MYL12B: variants seen among roughly 807,000 people sequenced by gnomAD.
MYL12B encodes the protein myosin regulatory light chain 12B.
A neutral mutation model predicts 12.9 loss-of-function variants in MYL12B; 3 were observed. The ratio of observed to expected loss-of-function variants is 0.23; its 90% CI spans 0.11 to 0.60. The LOEUF is 0.60. MYL12B is among the 20% of genes least tolerant of loss of function. The pLI is 0.89. For synonymous variants in MYL12B, 57 were observed against 71.9 expected (o/e 0.79, Z 1.05); for missense variants, 120 against 215.4 (o/e 0.56, Z 2.77).
At chr18:3,276,136 T>C (rs1598810450) in intron 2 of MYL12B, among the ~76,000 whole-genome samples, 1 of 151,828 alleles carries the variant, frequency 6.6e-6, no homozygotes, top group South Asian at 2.1e-4. Flanking sequence ...TGTTGGAAGA[T>C]ACCTTTGAGA....
chr18:3,265,375 C>T (rs1366898963), intron 1 of MYL12B, among the ~76,000 whole-genome samples: 2 of 152,156 alleles, frequency 1.3e-5, no homozygotes. Flanking sequence ...ACAGTAATAA[C>T]CATAAGAATC....
chr18:3,265,722 A>T (rs1484240548), intron 1 of MYL12B, among the ~76,000 whole-genome samples: 1 of 152,182 alleles, frequency 6.6e-6, no homozygotes, highest in East Asian at 1.9e-4. Context: ...AGGAAAAAGG[A>T]CAGAGCTTTG....
chr18:3,267,275 A>G (rs2081641751), intron 1 of MYL12B, among the ~76,000 whole-genome samples: 2 of 152,374 alleles, frequency 1.3e-5, no homozygotes, highest in South Asian at 2.1e-4. Flanking sequence ...GCTCTAGCTG[A>G]CTTGAGATAC....
intron 3 of MYL12B, among the ~76,000 whole-genome samples, 167 bp from the exon 4 acceptor site, chr18:3,277,598 A>AT (rs2081744115): frequency 6.6e-6 from 1 of 152,238 alleles, no homozygotes; most frequent in Admixed American, 6.5e-5. Context: ...TCTAAGAATA[A>AT]TTGGAAAACA....
intron 1 of MYL12B, among the ~76,000 whole-genome samples, chr18:3,265,502 T>G (rs565043131): frequency 1.1e-4 from 17 of 152,208 alleles, no homozygotes; most frequent in Non-Finnish European, 2.4e-4. Context: ...TCATCTACTC[T>G]GAGGGCTTTA....
At chr18:3,269,750 T>C (rs1328128842) in intron 1 of MYL12B, among the ~76,000 whole-genome samples, 1 of 152,140 alleles carries the variant, frequency 6.6e-6, no homozygotes, top group Non-Finnish European at 1.5e-5. Flanking sequence ...GCTGCTAGAA[T>C]ACTGGGAAAC....
chr18:3,263,044 C>G (rs2081606902), intron 1 of MYL12B: 1 of 152,280 alleles, frequency 6.6e-6, no homozygotes, highest in Non-Finnish European at 1.5e-5. Context: ...AACTCAAAAG[C>G]TGGGAATTGT....
At chr18:3,266,978 C>T (rs2081639559) in intron 1 of MYL12B, among the ~76,000 whole-genome samples, 1 of 152,198 alleles carries the variant, frequency 6.6e-6, no homozygotes, top group South Asian at 2.1e-4. Flanking sequence ...TCTCCAGCAT[C>T]TCCATTAAAC....
chr18:3,276,097 T>C (rs1567992383), intron 2 of MYL12B, among the ~76,000 whole-genome samples: 2 of 151,942 alleles, frequency 1.3e-5, no homozygotes, highest in Non-Finnish European at 2.9e-5. Flanking sequence ...TAATAGATGT[T>C]CTTTTCATGT....
At chr18:3,274,155 C>G (rs558900068) in intron 2 of MYL12B, among the ~76,000 whole-genome samples, 1 of 152,208 alleles carries the variant, frequency 6.6e-6, no homozygotes, top group East Asian at 1.9e-4. Context: ...AGATTATAAC[C>G]TAGTGTTTCT....
chr18:3,271,470 G>A (rs1332658880), intron 1 of MYL12B, among the ~76,000 whole-genome samples: 1 of 152,152 alleles, frequency 6.6e-6, no homozygotes, highest in Non-Finnish European at 1.5e-5. Flanking sequence ...CAGAAGTCCT[G>A]GAGACTTAGG....
At chr18:3,267,146 C>A (rs78550688) in intron 1 of MYL12B, among the ~76,000 whole-genome samples, 16,223 of 152,250 alleles carry the variant, frequency 0.11, 925 homozygotes, top group Non-Finnish European at 0.13. Flanking sequence ...GCTCCACCCC[C>A]AGACATTCCA....
At chr18:3,262,747 C>T (rs1225956264) in intron 1 of MYL12B, 3 of 152,458 alleles carry the variant, frequency 2.0e-5, no homozygotes, top group South Asian at 2.1e-4. Context: ...GTTGCACGGT[C>T]TTGCCTAAGG....
chr18:3,271,555 T>C (rs574434259), intron 1 of MYL12B, among the ~76,000 whole-genome samples: 2 of 152,312 alleles, frequency 1.3e-5, no homozygotes, highest in Admixed American at 6.5e-5. Context: ...ACGGAAACAG[T>C]CTGCAAGACC....
intron 1 of MYL12B, among the ~76,000 whole-genome samples, chr18:3,268,396 G>A (rs749558921): frequency 8.4e-5 from 11 of 131,164 alleles, no homozygotes; most frequent in Non-Finnish European, 1.2e-4. Context: ...GTTTTTGTTT[G>A]TTGTTGTTTT....
chr18:3,270,996 T>G (rs1290001660), intron 1 of MYL12B, among the ~76,000 whole-genome samples: 4 of 152,154 alleles, frequency 2.6e-5, no homozygotes, highest in Admixed American at 2.6e-4. Context: ...AAATAAATAT[T>G]TAACTCTTTT....
Position 3,264,262 on chromosome 18 carries a change from A to G in MYL12B, c.-16+2025A>G, listed in dbSNP as rs7226685. 2.3e-3 allele frequency among the ~76,000 whole-genome samples: 349 copies of G among 152,346 alleles called. 4 individuals are homozygous for G. Among genetic ancestry groups the G allele is most frequent in the African/African-American group, 8.1e-3 (335 of 41,570 alleles). Reference sequence around the variant, plus strand: ...TGTGACAGGAAAGAACTATATATGTATATACACTATATACAACTGTGTATA... The same window carrying G: ...TGTGACAGGAAAGAACTATATATGTGTATACACTATATACAACTGTGTATA... On this transcript the variant is annotated intron_variant, in intron 1 of 3. Transcript: ENST00000237500.
At chr18:3,277,083 AT>A (rs1165036931) in intron 2 of MYL12B, 169 bp from the exon 3 acceptor site, 8 of 933,720 alleles carry the variant, frequency 8.6e-6, no homozygotes, top group Non-Finnish European at 1.0e-5. Context: ...TGTATCCAAT[AT>A]TTTTTAAGTT....
intron 1 of MYL12B, among the ~76,000 whole-genome samples, chr18:3,263,806 G>C (rs1358227395): frequency 1.3e-5 from 2 of 152,188 alleles, no homozygotes; most frequent in Non-Finnish European, 2.9e-5. Context: ...TCATGGTAGA[G>C]AATTTCAGCT....
Sources: gnomAD v4.1 joint callset for allele counts (sites outside exome capture counted in the v4.1 genomes callset) on GRCh38, gnomAD v4.1.1 for gene constraint, MANE v1.5 for transcripts, NCBI Gene and HGNC (gene_info 2026-07-23, HGNC 2026-07-21) for gene names.